The following MARCHF1 variants were observed in gnomAD, a reference collection of about 807,000 sequenced individuals.
The protein encoded by MARCHF1 is E3 ubiquitin-protein ligase MARCHF1.
MARCHF1 carries 40 observed loss-of-function variants against 54.2 expected under a neutral mutation model. The ratio of observed to expected loss-of-function variants is 0.74; its 90% CI spans 0.57 to 0.96. The LOEUF (loss-of-function observed/expected upper bound fraction) is 0.96, where lower values mean the gene tolerates loss of function less well. Among genes scored for constraint, MARCHF1 ranks in the 40% least tolerant of loss-of-function variants. MARCHF1 has a pLI of 0.00. For missense variants in MARCHF1, 586 were observed against 656.5 expected (o/e 0.89, Z 1.17); for synonymous variants, 236 against 236.3 (o/e 1.00, Z 0.01).
At chr4:163,531,027 A>C (rs1738329787) in intron 9 of MARCHF1, among the ~76,000 whole-genome samples, 2 of 152,060 alleles carry the variant, frequency 1.3e-5, no homozygotes, top group Non-Finnish European at 1.5e-5. Flanking sequence ...ACCAAGCTCA[A>C]ATAGTTTTAC....
chr4:163,880,105 TTTA>T (rs912539332), intron 3 of MARCHF1, among the ~76,000 whole-genome samples: 3 of 151,860 alleles, frequency 2.0e-5, no homozygotes, highest in East Asian at 1.9e-4. Context: ...TATGTAAAAT[TTTA>T]TTAACTAAAT....
At chr4:164,012,947 A>C (rs2110946894) in intron 2 of MARCHF1, among the ~76,000 whole-genome samples, 1 of 152,276 alleles carries the variant, frequency 6.6e-6, no homozygotes, top group East Asian at 1.9e-4. Context: ...CAGACTGTGA[A>C]GATTAGTTTA....
chr4:164,070,744 C>T (rs2321232), intron 2 of MARCHF1, among the ~76,000 whole-genome samples: 2,380 of 152,270 alleles, frequency 0.016, 26 homozygotes, highest in Non-Finnish European at 0.024. Context: ...GGCAGAGTTA[C>T]GCAGTCTATT....
chr4:163,601,998 A>G (rs1169981712), intron 7 of MARCHF1, among the ~76,000 whole-genome samples: 2 of 152,008 alleles, frequency 1.3e-5, no homozygotes, highest in Non-Finnish European at 2.9e-5. Context: ...CAAACTGAAA[A>G]CAATCAGAAA....
intron 1 of MARCHF1, among the ~76,000 whole-genome samples, chr4:164,200,430 A>T (rs1435783472): frequency 6.6e-6 from 1 of 152,182 alleles, no homozygotes; most frequent in Non-Finnish European, 1.5e-5. Context: ...ACCATTTCTA[A>T]ATATAACTGG....
chr4:164,030,366 C>G (rs974915358), intron 2 of MARCHF1, among the ~76,000 whole-genome samples: 1 of 151,954 alleles, frequency 6.6e-6, no homozygotes, highest in Non-Finnish European at 1.5e-5. Context: ...TTTTAATATT[C>G]TTCTTAAAAA....
intron 4 of MARCHF1, among the ~76,000 whole-genome samples, chr4:163,821,731 G>T (rs1433665273): frequency 2.6e-5 from 4 of 151,230 alleles, no homozygotes; most frequent in African/African-American, 9.7e-5. Context: ...AGACCATGAA[G>T]GTGGAAAATT....
At chr4:163,639,601 G>T (rs1345079561) in intron 5 of MARCHF1, among the ~76,000 whole-genome samples, 1 of 152,114 alleles carries the variant, frequency 6.6e-6, no homozygotes, top group African/African-American at 2.4e-5. Context: ...GAACGTTTTT[G>T]TTCTGTTCAT....
chr4:164,296,739 C>G (rs1364695530), intron 1 of MARCHF1, among the ~76,000 whole-genome samples: 1 of 152,122 alleles, frequency 6.6e-6, no homozygotes, highest in Non-Finnish European at 1.5e-5. Flanking sequence ...CCACATCTAC[C>G]TTATATATGA....
chr4:163,666,761 C>A (rs944619008), intron 5 of MARCHF1, among the ~76,000 whole-genome samples: 8 of 151,022 alleles, frequency 5.3e-5, no homozygotes, highest in Non-Finnish European at 3.0e-5. Flanking sequence ...CTTTATACTT[C>A]CTGTTTCTAA....
At chr4:163,982,697 TTCTC>T (rs896838071) in intron 3 of MARCHF1, among the ~76,000 whole-genome samples, 10 of 152,210 alleles carry the variant, frequency 6.6e-5, no homozygotes, top group African/African-American at 9.6e-5. Context: ...TCTATTTTTT[TTCTC>T]TCTCTATGTT....
At chr4:164,119,930 C>T (rs1756028864) in intron 1 of MARCHF1, among the ~76,000 whole-genome samples, 1 of 149,694 alleles carries the variant, frequency 6.7e-6, no homozygotes, top group African/African-American at 2.5e-5. Flanking sequence ...CCTAATAATG[C>T]CAATAGTATT....
chr4:164,106,360 C>T (rs1755698024), intron 2 of MARCHF1, among the ~76,000 whole-genome samples: 1 of 72,060 alleles, frequency 1.4e-5, no homozygotes. Flanking sequence ...AGACTTGGAA[C>T]CAACCCAAAT....
At chr4:163,679,890 G>A (rs1313736937) in intron 5 of MARCHF1, among the ~76,000 whole-genome samples, 2 of 151,770 alleles carry the variant, frequency 1.3e-5, no homozygotes, top group Non-Finnish European at 2.9e-5. Context: ...GTGAGCCACC[G>A]CGCCCGGCCT....
At chr4:163,651,775 C>CTATTCACA (rs1742975797) in intron 5 of MARCHF1, among the ~76,000 whole-genome samples, 1 of 150,878 alleles carries the variant, frequency 6.6e-6, no homozygotes, top group Non-Finnish European at 1.5e-5. Context: ...GTCTCAAAGT[C>CTATTCACA]TATTCACATT....
At chr4:163,699,769 T>A (rs1221603205) in intron 5 of MARCHF1, among the ~76,000 whole-genome samples, 1 of 152,178 alleles carries the variant, frequency 6.6e-6, no homozygotes, top group Admixed American at 6.5e-5. Flanking sequence ...TTTTCCATTT[T>A]GACAAATGAC....
At chr4:163,719,853 T>C (rs9683938) in intron 4 of MARCHF1, among the ~76,000 whole-genome samples, 70,052 of 151,948 alleles carry the variant, frequency 0.46, 16,262 homozygotes, top group Admixed American at 0.5. Flanking sequence ...CTGTTCATAT[T>C]CTTCGCCCGC....
At chr4:163,858,677 T>A (rs1417486715) in intron 3 of MARCHF1, among the ~76,000 whole-genome samples, 1 of 152,190 alleles carries the variant, frequency 6.6e-6, no homozygotes, top group African/African-American at 2.4e-5. Flanking sequence ...ATTAGAGAAG[T>A]GAAAATGTGT....
intron 2 of MARCHF1, among the ~76,000 whole-genome samples, chr4:164,040,350 T>G (rs1277006164): frequency 1.7e-5 from 2 of 117,596 alleles, no homozygotes. Flanking sequence ...CTTATATACT[T>G]AGTTCTTATT....
Sources: allele counts gnomAD v4.1 joint callset (sites outside exome capture counted in the v4.1 genomes callset), GRCh38; gene constraint gnomAD v4.1.1; transcripts MANE v1.5; gene names NCBI Gene and HGNC (gene_info 2026-07-23, HGNC 2026-07-21).